Variants in ANAPC1 observed in about 807,000 individuals in gnomAD.
ANAPC1 encodes the protein anaphase-promoting complex subunit 1.
In ANAPC1, 36 loss-of-function variants were observed where a neutral mutation model predicts 208.0. That is an observed-to-expected ratio of 0.17 (90% CI 0.13 to 0.23). The LOEUF (loss-of-function observed/expected upper bound fraction) is 0.23, where lower values mean the gene tolerates loss of function less well. ANAPC1 is among the 10% of genes least tolerant of loss of function. The pLI, the probability that ANAPC1 is intolerant of heterozygous loss-of-function variation, is 1.00. For synonymous variants in ANAPC1, 378 were observed against 695.2 expected, an observed-to-expected ratio of 0.54 and a Z score of 7.18; for missense variants, 942 against 2,011.6, an observed-to-expected ratio of 0.47 and a Z score of 10.17.
chr2:111,825,697 G>A, intron 22 of ANAPC1, 80 bp downstream of exon 22: 1 of 1,462,186 alleles, frequency 6.8e-7, no homozygotes, highest in Non-Finnish European at 9.4e-7. Context: ...AAGCAAACAA[G>A]AAAAATTCAA....
chr2:111,874,154 T>A (rs143938406), intron 3 of ANAPC1, among the ~76,000 whole-genome samples: 2,002 of 152,280 alleles, frequency 0.013, 27 homozygotes, highest in Non-Finnish European at 0.018. Context: ...TAAAAGCCCA[T>A]CTTACAAAAT....
At chr2:111,865,016 C>A (rs17040720) in intron 7 of ANAPC1, 65 bp from the exon 8 acceptor site, 252,029 of 1,500,422 alleles carry the variant, frequency 0.17, 21,528 homozygotes, top group East Asian at 0.2. Flanking sequence ...TATTTATGAA[C>A]AGAGCTCTTA....
chr2:111,880,347 G>A (rs546259956), intron 2 of ANAPC1: 211 of 454,526 alleles, frequency 4.6e-4, no homozygotes, highest in Non-Finnish European at 5.8e-4. Flanking sequence ...ACTCCAGCCC[G>A]GGCAAAAAGA....
chr2:111,847,545 CTG>C (rs1681158219), intron 15 of ANAPC1, among the ~76,000 whole-genome samples, 178 bp downstream of exon 15: 1 of 152,122 alleles, frequency 6.6e-6, no homozygotes, highest in African/African-American at 2.4e-5. Context: ...AATACAGAAA[CTG>C]TAGAAAACAA....
At chr2:111,853,879 G>C (rs4019115) in intron 13 of ANAPC1, among the ~76,000 whole-genome samples, 87,792 of 151,340 alleles carry the variant, frequency 0.58, 26,354 homozygotes, top group South Asian at 0.69. Flanking sequence ...ACCACGCCCG[G>C]CTAATTTTTT....
intron 46 of ANAPC1, among the ~76,000 whole-genome samples, chr2:111,775,922 A>G (rs183219530): frequency 1.7e-4 from 26 of 152,412 alleles, no homozygotes; most frequent in Non-Finnish European, 3.2e-4. Context: ...TGACAAATAC[A>G]ATGCAGCTTT....
intron 7 of ANAPC1, chr2:111,866,354 C>T (rs772218516): frequency 3.2e-5 from 9 of 280,366 alleles, no homozygotes; most frequent in Non-Finnish European, 6.3e-5. Flanking sequence ...ACAGAAAAGT[C>T]GTCAGGAATC....
intron 42 of ANAPC1, 65 bp from the exon 43 acceptor site, chr2:111,782,572 T>C: frequency 6.3e-7 from 1 of 1,597,534 alleles, no homozygotes; most frequent in Non-Finnish European, 8.5e-7. Flanking sequence ...AAATAGTGTT[T>C]TCCCAATACC....
chr2:111,843,890 T>C (rs1482408531), intron 16 of ANAPC1, among the ~76,000 whole-genome samples: 3 of 133,254 alleles, frequency 2.3e-5, no homozygotes, highest in African/African-American at 8.5e-5. Flanking sequence ...TGTGGCACGG[T>C]CTTGGCACAC....
At chr2:111,842,621 C>T (rs899992805) in intron 17 of ANAPC1, among the ~76,000 whole-genome samples, 2 of 136,954 alleles carry the variant, frequency 1.5e-5, no homozygotes, top group South Asian at 2.2e-4. Context: ...CCAGCCTGGG[C>T]GACAGAGCGA....
intron 21 of ANAPC1, among the ~76,000 whole-genome samples, chr2:111,827,347 G>A (rs1679893178): frequency 1.3e-5 from 2 of 152,222 alleles, no homozygotes; most frequent in South Asian, 2.1e-4. Context: ...CATACATAAA[G>A]TTCCTTGAAG....
At chr2:111,834,909 A>C (rs1334152528) in intron 18 of ANAPC1, 37 bp from the exon 19 acceptor site, 17 of 1,370,844 alleles carry the variant, frequency 1.2e-5, no homozygotes. Context: ...TTTTAAAAAT[A>C]ATACCTCCTT....
At chr2:111,826,777 T>C (rs189860041) in intron 21 of ANAPC1, among the ~76,000 whole-genome samples, 4 of 151,844 alleles carry the variant, frequency 2.6e-5, no homozygotes, top group African/African-American at 9.7e-5. Context: ...TCTCCCACCT[T>C]AGCCTCCAGA....
intron 24 of ANAPC1, among the ~76,000 whole-genome samples, chr2:111,824,112 TTA>T (rs1679696232): frequency 6.6e-6 from 1 of 151,100 alleles, no homozygotes; most frequent in South Asian, 2.1e-4. Context: ...AAATGTTTCC[TTA>T]TATGAGAATA....
chr2:111,878,714 T>G (rs1286533079), intron 3 of ANAPC1, 96 bp downstream of exon 3: 1 of 1,527,224 alleles, frequency 6.5e-7, no homozygotes, highest in Non-Finnish European at 8.8e-7. Context: ...CTGAGATCAT[T>G]AGGCTGGTTT....
At chr2:111,821,162 A>G in intron 26 of ANAPC1, 77 bp downstream of exon 26, 1 of 1,545,670 alleles carries the variant, frequency 6.5e-7, no homozygotes, top group Non-Finnish European at 8.9e-7. Context: ...TAAAAACTTG[A>G]AGGAAAAACA....
rs765181720 is a variant in ANAPC1 at position 111,831,420 on chromosome 2, T to C, written c.2491A>G (p.Met831Val). The C allele has an allele frequency of 7.5e-6, 12 of 1,602,514 alleles. No individual in the cohort carries two copies. Among genetic ancestry groups the C allele is most frequent in the Non-Finnish European group, 9.4e-6 (11 of 1,174,728 alleles). The change falls in exon 21 of 48, where the codon ATG becomes GTG. Residue 831 changes from methionine to valine, a missense_variant. Physicochemically the swap from Met to Val is conservative, Grantham distance 21 (BLOSUM62 1). Transcript: ENST00000341068. ...CTIDPGQTGF[M>V]HHPSFFTSEP... ...GACGTAAAAAATGATGGATGATGCA[T>C]AAATCCTGTTTGACCTTTAAAATTA...
At chr2:111,868,255 T>C (rs1184436924) in intron 6 of ANAPC1, among the ~76,000 whole-genome samples, 159 bp from the exon 7 acceptor site, 10 of 152,238 alleles carry the variant, frequency 6.6e-5, no homozygotes, top group African/African-American at 4.8e-5. Context: ...ATTTTTCACA[T>C]TGTCTTCTAT....
intron 38 of ANAPC1, among the ~76,000 whole-genome samples, chr2:111,789,159 T>C (rs1372810906): frequency 6.6e-6 from 1 of 152,156 alleles, no homozygotes; most frequent in Non-Finnish European, 1.5e-5. Context: ...AAAGTTACAA[T>C]GACTGTATAA....
Sources: gnomAD v4.1 joint callset for allele counts (sites outside exome capture counted in the v4.1 genomes callset) on GRCh38, gnomAD v4.1.1 for gene constraint, MANE v1.5 for transcripts, NCBI Gene and HGNC (gene_info 2026-07-23, HGNC 2026-07-21) for gene names.